Variants in CAMTA1 observed in about 807,000 individuals in gnomAD.
CAMTA1 encodes the protein calmodulin binding transcription activator 1.
CAMTA1 carries 27 observed loss-of-function variants against 170.9 expected under a neutral mutation model. That is an observed-to-expected ratio of 0.16 (90% CI 0.12 to 0.22). The LOEUF is 0.22. Ranked by LOEUF, CAMTA1 falls within the 10% of genes least tolerant of loss-of-function variation. The pLI, the probability that CAMTA1 is intolerant of heterozygous loss-of-function variation, is 1.00. For missense variants in CAMTA1, 1,619 were observed against 2,217.2 expected, an observed-to-expected ratio of 0.73 and a Z score of 5.42; for synonymous variants, 833 against 891.5, an observed-to-expected ratio of 0.93 and a Z score of 1.17.
chr1:7,428,978 G>A (rs944534639), intron 5 of CAMTA1, among the ~76,000 whole-genome samples: 1 of 152,200 alleles, frequency 6.6e-6, no homozygotes, highest in Non-Finnish European at 1.5e-5. Flanking sequence ...CAAGCCACAG[G>A]CTGAACGAAA....
At chr1:7,236,370 T>A (rs1242798385) in intron 4 of CAMTA1, among the ~76,000 whole-genome samples, 1 of 152,208 alleles carries the variant, frequency 6.6e-6, no homozygotes. Flanking sequence ...GAACTACAAT[T>A]TAAATCAGGC....
intron 5 of CAMTA1, among the ~76,000 whole-genome samples, chr1:7,404,903 G>T (rs1416740408): frequency 6.6e-6 from 1 of 151,882 alleles, no homozygotes; most frequent in Non-Finnish European, 1.5e-5. Flanking sequence ...AAAATAAAAG[G>T]GTCTTTTTTT....
At chr1:7,480,083 CCGTGTGTGTGCCTGTGTGTGAGAG>C (rs2093489586) in intron 6 of CAMTA1, among the ~76,000 whole-genome samples, 1 of 147,944 alleles carries the variant, frequency 6.8e-6, no homozygotes, top group Admixed American at 6.8e-5. Context: ...GTGCATGTGT[CCGTGTGTGTGCCTGTGTGTGAGAG>C]CGTGTGTGTG....
chr1:6,973,565 T>C (rs1196983104), intron 3 of CAMTA1, among the ~76,000 whole-genome samples: 3 of 152,238 alleles, frequency 2.0e-5, no homozygotes, highest in Non-Finnish European at 4.4e-5. Context: ...TGGGCTTTTG[T>C]GAATAGTGCT....
In CAMTA1 at chr1:7,041,041, C is replaced by T. The variant is rs1252944571; in HGVS notation, c.235-50263C>T. Among the ~76,000 whole-genome samples, 2 of 152,220 alleles carry T rather than the reference C, an allele frequency of 1.3e-5. No homozygotes were observed. The highest frequency in any genetic ancestry group is 4.8e-5 in the African/African-American group (2 of 41,454). On this transcript the variant is annotated intron_variant, in intron 3 of 22. Coordinates refer to ENST00000303635, the MANE Select transcript of CAMTA1 (RefSeq NM_015215.4). This position sits in a 1 kb window ranked among gnomAD's most constrained non-coding sequence, Gnocchi z 5.1. ...CTGGCCCTCCCTCTGTTTTTTAAGA[C>T]AGGTGCGTGTGGGCGCAGGAGGCGG...
intron 6 of CAMTA1, among the ~76,000 whole-genome samples, chr1:7,545,996 C>G (rs2094687910): frequency 6.6e-6 from 1 of 150,538 alleles, no homozygotes; most frequent in African/African-American, 2.4e-5. Context: ...CGCTCTGTCG[C>G]CCAGGCTGGA....
chr1:7,447,294 G>A (rs962248190), intron 5 of CAMTA1, among the ~76,000 whole-genome samples: 1 of 152,064 alleles, frequency 6.6e-6, no homozygotes, highest in Non-Finnish European at 1.5e-5. Context: ...TACAAGAAGG[G>A]CACTTGGTAA....
intron 5 of CAMTA1, among the ~76,000 whole-genome samples, chr1:7,278,798 C>G (rs1165640882): frequency 6.6e-6 from 1 of 152,124 alleles, no homozygotes; most frequent in African/African-American, 2.4e-5. Flanking sequence ...CACGTAGCTT[C>G]CAGTCCGGTA....
chr1:7,096,070 C>T (rs752530876), intron 4 of CAMTA1, among the ~76,000 whole-genome samples: 1 of 152,182 alleles, frequency 6.6e-6, no homozygotes, highest in Non-Finnish European at 1.5e-5. Flanking sequence ...GATAGCACCT[C>T]CACATGGAAG....
chr1:6,885,770 C>T (rs573539700), intron 3 of CAMTA1, among the ~76,000 whole-genome samples: 99 of 152,268 alleles, frequency 6.5e-4, no homozygotes, highest in Non-Finnish European at 1.1e-3. Context: ...GCAACATGCC[C>T]CACCCAGCTG....
chr1:6,839,279 G>A (rs1473899099), intron 3 of CAMTA1, among the ~76,000 whole-genome samples: 2 of 152,022 alleles, frequency 1.3e-5, no homozygotes, highest in East Asian at 3.9e-4. Flanking sequence ...CTACTCGGGA[G>A]GCTGAGGCAG....
chr1:7,746,659 G>T (rs181959595), intron 18 of CAMTA1, among the ~76,000 whole-genome samples: 66 of 152,188 alleles, frequency 4.3e-4, no homozygotes, highest in Non-Finnish European at 8.4e-4. Context: ...TTTTGAAATG[G>T]AGTCTCATTC....
chr1:7,655,194 A>AC (rs1235390997), intron 7 of CAMTA1, among the ~76,000 whole-genome samples: 3 of 146,402 alleles, frequency 2.0e-5, no homozygotes, highest in Non-Finnish European at 4.5e-5. Context: ...ACAAACACAC[A>AC]CCCCTATACA....
intron 22 of CAMTA1, among the ~76,000 whole-genome samples, chr1:7,761,267 T>C (rs1396702864): frequency 1.3e-5 from 2 of 152,194 alleles, no homozygotes; most frequent in Non-Finnish European, 2.9e-5. Context: ...ACTTTGCAAG[T>C]TACTGATAGG....
intron 4 of CAMTA1, among the ~76,000 whole-genome samples, chr1:7,187,428 ATTTT>A (rs1010675781): frequency 6.6e-6 from 1 of 152,032 alleles, no homozygotes; most frequent in African/African-American, 2.4e-5. Flanking sequence ...GCAGATGGTG[ATTTT>A]TTTTAACGTC....
chr1:6,828,286 CTTTTTTTTTTTT>C (rs746522147), intron 3 of CAMTA1, among the ~76,000 whole-genome samples: 20 of 69,720 alleles, frequency 2.9e-4, no homozygotes, highest in Admixed American at 1.9e-3. Flanking sequence ...TCATTCCATC[CTTTTTTTTTTTT>C]TTTTTTTTTT....
intron 6 of CAMTA1, among the ~76,000 whole-genome samples, chr1:7,506,399 G>T (rs969135027): frequency 6.6e-6 from 1 of 152,106 alleles, no homozygotes; most frequent in Non-Finnish European, 1.5e-5. Context: ...CCGGACACCT[G>T]TGCACTCAGT....
intron 3 of CAMTA1, among the ~76,000 whole-genome samples, chr1:7,060,139 G>A (rs1707988119): frequency 6.6e-6 from 1 of 152,164 alleles, no homozygotes; most frequent in South Asian, 2.1e-4. Context: ...TTTCCTAGGG[G>A]GTGGTATGAG....
intron 16 of CAMTA1, among the ~76,000 whole-genome samples, chr1:7,743,951 C>T (rs551797080): frequency 4.0e-5 from 6 of 150,288 alleles, no homozygotes; most frequent in South Asian, 2.1e-4. Flanking sequence ...CTCAGCCTCC[C>T]GAGTAGCTGG....
Sources: allele counts gnomAD v4.1 joint callset (sites outside exome capture counted in the v4.1 genomes callset), GRCh38; gene constraint gnomAD v4.1.1; non-coding constraint Gnocchi (gnomAD v3.1); transcripts MANE v1.5; gene names NCBI Gene and HGNC (gene_info 2026-07-23, HGNC 2026-07-21).